Variants in AOPEP observed in about 807,000 individuals in gnomAD.
AOPEP encodes aminopeptidase O.
A neutral mutation model predicts 98.1 loss-of-function variants in AOPEP; 77 were observed. The ratio of observed to expected loss-of-function variants is 0.78; its 90% CI spans 0.65 to 0.95. The LOEUF is 0.95. Ranked by LOEUF, AOPEP falls within the 40% of genes least tolerant of loss-of-function variation. The pLI is 0.00. For missense variants in AOPEP, 1,024 were observed against 1,024.7 expected (o/e 1.00, Z 0.01); for synonymous variants, 346 against 365.3 (o/e 0.95, Z 0.60).
intron 10 of AOPEP, among the ~76,000 whole-genome samples, chr9:94,978,368 A>G (rs2059977853): frequency 6.6e-6 from 1 of 152,190 alleles, no homozygotes; most frequent in African/African-American, 2.4e-5. Flanking sequence ...TGAGTCTACA[A>G]TTAAATGTGC....
intron 13 of AOPEP, among the ~76,000 whole-genome samples, chr9:95,015,372 C>T (rs1589269906): frequency 6.6e-6 from 1 of 152,138 alleles, no homozygotes; most frequent in Non-Finnish European, 1.5e-5. Context: ...TGAATCAAGA[C>T]GATTTGGAAA....
At chr9:94,973,409 T>C (rs999822967) in intron 10 of AOPEP, among the ~76,000 whole-genome samples, 1 of 152,262 alleles carries the variant, frequency 6.6e-6, no homozygotes, top group Non-Finnish European at 1.5e-5. Context: ...TGTTGATTTA[T>C]TTTAACTTCG....
chr9:95,137,801 C>T, the AOPEP span, among the ~76,000 whole-genome samples: 4 of 152,272 alleles, frequency 2.6e-5, no homozygotes, highest in Admixed American at 6.5e-5. Flanking sequence ...TGGCAGGAGG[C>T]ACAGAAGCAG....
intron 1 of AOPEP, among the ~76,000 whole-genome samples, chr9:94,745,048 C>G (rs1244675713): frequency 6.6e-6 from 1 of 152,126 alleles, no homozygotes; most frequent in Non-Finnish European, 1.5e-5. Context: ...TCCATCACCT[C>G]AAGCATTGAT....
chr9:95,012,687 C>G (rs2062625028), intron 13 of AOPEP, among the ~76,000 whole-genome samples: 1 of 151,994 alleles, frequency 6.6e-6, no homozygotes. Context: ...CGAGTCTAGC[C>G]AACATATATT....
chr9:95,125,212 C>T, the AOPEP span: 1 of 1,577,472 alleles, frequency 6.3e-7, no homozygotes, highest in Non-Finnish European at 8.7e-7. Context: ...CAGATCAGAA[C>T]ACGTTTAACA....
At chr9:94,762,959 A>G (rs1164290056) in intron 2 of AOPEP, among the ~76,000 whole-genome samples, 4 of 152,232 alleles carry the variant, frequency 2.6e-5, no homozygotes, top group Non-Finnish European at 5.9e-5. Flanking sequence ...CAGTTGCGTG[A>G]AAAACATAAC....
At chr9:95,048,545 C>T (rs1039295255) in intron 13 of AOPEP, among the ~76,000 whole-genome samples, 5 of 152,046 alleles carry the variant, frequency 3.3e-5, no homozygotes, top group African/African-American at 1.2e-4. Flanking sequence ...CCGGGACCGA[C>T]CACGGCCCAC....
chr9:95,081,413 C>A (rs181759123), intron 15 of AOPEP, among the ~76,000 whole-genome samples: 2 of 152,330 alleles, frequency 1.3e-5, no homozygotes, highest in South Asian at 4.1e-4. Flanking sequence ...CCACTCTCCA[C>A]CCCCTCTGCC....
the AOPEP span, among the ~76,000 whole-genome samples, chr9:95,108,298 G>T: frequency 4.6e-5 from 7 of 152,236 alleles, no homozygotes; most frequent in Non-Finnish European, 1.0e-4. Flanking sequence ...CAGCAGGGCA[G>T]GCCTCACTCT....
intron 9 of AOPEP, among the ~76,000 whole-genome samples, chr9:94,958,980 G>A (rs961132669): frequency 4.1e-5 from 6 of 147,436 alleles, no homozygotes; most frequent in Non-Finnish European, 7.5e-5. Flanking sequence ...TCACTCCTAT[G>A]TTTTTTTTTT....
chr9:95,026,571 A>G (rs1405676282), intron 13 of AOPEP, among the ~76,000 whole-genome samples: 3 of 152,236 alleles, frequency 2.0e-5, no homozygotes, highest in Non-Finnish European at 4.4e-5. Flanking sequence ...TGGTTACACC[A>G]CATTTTATCT....
chr9:94,891,319 G>A (rs1419680110), intron 5 of AOPEP, among the ~76,000 whole-genome samples: 1 of 152,036 alleles, frequency 6.6e-6, no homozygotes, highest in Non-Finnish European at 1.5e-5. Context: ...ATGTTGTTAC[G>A]CTTGAAGTGA....
At chr9:95,013,583 C>T (rs1448539101) in intron 13 of AOPEP, among the ~76,000 whole-genome samples, 1 of 152,002 alleles carries the variant, frequency 6.6e-6, no homozygotes, top group Admixed American at 6.6e-5. Context: ...AGTTTTAATT[C>T]TGTGGTTTAT....
Position 94,760,165 on chromosome 9 carries a change from TCAAAGTACTG to T in AOPEP, c.384_393del (p.Lys129ValfsTer13). Reference sequence around the variant, plus strand: ...GGAACATGCTTCTGGGATTTCTAGCTCAAAGTACTGCTGTGACACAGGGAATCATGGGAGT... The same window carrying T: ...GGAACATGCTTCTGGGATTTCTAGCTCTGTGACACAGGGAATCATGGGAGT... On this transcript the variant is annotated frameshift_variant, in exon 2 of 17. Coordinates refer to ENST00000375315, the MANE Select transcript of AOPEP (RefSeq NM_001193329.3). LOFTEE classifies it high-confidence loss of function. 6.2e-7 allele frequency: 1 copy of T among 1,614,216 alleles called. No homozygotes were observed. Among genetic ancestry groups the T allele is most frequent in the African/African-American group, 1.3e-5 (1 of 75,058 alleles).
chr9:94,756,871 G>C (rs1009912591), intron 1 of AOPEP, among the ~76,000 whole-genome samples: 1 of 152,070 alleles, frequency 6.6e-6, no homozygotes. Flanking sequence ...GCTTTAACTT[G>C]ATCCAGCATT....
chr9:94,889,240 C>T (rs1026968496), intron 5 of AOPEP, among the ~76,000 whole-genome samples: 1 of 152,148 alleles, frequency 6.6e-6, no homozygotes, highest in East Asian at 1.9e-4. Context: ...GTGATCCACC[C>T]GCCTTGGCCT....
At chr9:95,135,351 A>G in the AOPEP span, 1 of 1,614,038 alleles carries the variant, frequency 6.2e-7, no homozygotes, top group East Asian at 2.2e-5. Flanking sequence ...CGTACCAGCG[A>G]TGAATCTTTT....
chr9:94,946,227 A>G (rs1303520540), intron 7 of AOPEP, among the ~76,000 whole-genome samples: 2 of 152,274 alleles, frequency 1.3e-5, no homozygotes, highest in African/African-American at 2.4e-5. Flanking sequence ...GGCCAAAGCT[A>G]TGTAGCAAAC....
Sources: gnomAD v4.1 joint callset for allele counts (sites outside exome capture counted in the v4.1 genomes callset) on GRCh38, gnomAD v4.1.1 for gene constraint, MANE v1.5 for transcripts, NCBI Gene and HGNC (gene_info 2026-07-23, HGNC 2026-07-21) for gene names.